CACNA1D: variants seen among roughly 807,000 people sequenced by gnomAD.
The protein encoded by CACNA1D is voltage-dependent L-type calcium channel subunit alpha-1D.
Under a neutral mutation model 257.1 loss-of-function variants are expected in CACNA1D, and 55 were observed. That is an observed-to-expected ratio of 0.21 (90% confidence interval 0.17 to 0.27). The LOEUF (loss-of-function observed/expected upper bound fraction) is 0.27, where lower values mean the gene tolerates loss of function less well. Ranked by LOEUF, CACNA1D falls within the 10% of genes least tolerant of loss-of-function variation. The pLI is 1.00. For synonymous variants in CACNA1D, 980 were observed against 1,014.9 expected (o/e 0.97, Z 0.65); for missense variants, 1,876 against 2,784.0 (o/e 0.67, Z 7.34).
intron 3 of CACNA1D, among the ~76,000 whole-genome samples, chr3:53,543,133 G>GAAAT (rs1232079166): frequency 6.3e-5 from 9 of 142,042 alleles, no homozygotes; most frequent in African/African-American, 1.8e-4. Flanking sequence ...AATAAATAAA[G>GAAAT]AAAGAAATAA....
intron 3 of CACNA1D, among the ~76,000 whole-genome samples, chr3:53,638,922 G>T (rs2093916733): frequency 6.6e-6 from 1 of 152,192 alleles, no homozygotes; most frequent in Non-Finnish European, 1.5e-5. Flanking sequence ...TTGAGCAGCT[G>T]AGGTCATACT....
intron 3 of CACNA1D, among the ~76,000 whole-genome samples, chr3:53,612,061 G>T (rs2093589413): frequency 6.6e-6 from 1 of 152,072 alleles, no homozygotes; most frequent in African/African-American, 2.4e-5. Flanking sequence ...AATTTCATTT[G>T]ATTTAAAAAA....
intron 3 of CACNA1D, among the ~76,000 whole-genome samples, chr3:53,646,819 T>TGCAGGTGCTTGG (rs2094026299): frequency 6.6e-6 from 1 of 152,146 alleles, no homozygotes; most frequent in Admixed American, 6.5e-5. Context: ...CGGGGATAGA[T>TGCAGGTGCTTGG]GGATAGACAG....
chr3:53,749,356 T>TA lies in CACNA1D; in HGVS notation c.3404dup (p.Tyr1135Ter). The change falls in exon 27 of 48, where the codon TAC becomes TAAC. Residue 1135 changes from tyrosine (Y) to a stop codon, truncating the protein, a stop_gained and frameshift_variant. Coordinates refer to ENST00000350061, the MANE Select transcript of CACNA1D (RefSeq NM_001128840.3). LOFTEE classifies it high-confidence loss of function. Reference protein sequence around the residue: ...RVEISIFFIIYIIIVAFFMMN... With the variant: ...RVEISIFFII ...GGAGATCTCCATCTTCTTCATCATCTACATCATCATTGTAGCTTTCTTCAT... is the reference window on the plus strand; with the variant it reads ...GGAGATCTCCATCTTCTTCATCATCTAACATCATCATTGTAGCTTTCTTCAT... 1 of 1,612,212 alleles carries TA rather than the reference T, an allele frequency of 6.2e-7. No homozygotes were observed.
intron 8 of CACNA1D, among the ~76,000 whole-genome samples, chr3:53,699,451 G>A (rs960758713): frequency 2.0e-5 from 3 of 152,204 alleles, no homozygotes; most frequent in African/African-American, 7.2e-5. Flanking sequence ...TGAAACAGCG[G>A]AACAGGTATT....
At chr3:53,621,328 T>C (rs1199483542) in intron 3 of CACNA1D, among the ~76,000 whole-genome samples, 1 of 152,134 alleles carries the variant, frequency 6.6e-6, no homozygotes, top group East Asian at 1.9e-4. Flanking sequence ...GTCCCAGTGC[T>C]AAGCCTGGGC....
At chr3:53,784,487 G>A (rs2095442504) in intron 39 of CACNA1D, among the ~76,000 whole-genome samples, 1 of 152,172 alleles carries the variant, frequency 6.6e-6, no homozygotes, top group Admixed American at 6.5e-5. Context: ...AATTAGCACA[G>A]TGTCTCAATG....
chr3:53,626,205 G>A (rs1415678681), intron 3 of CACNA1D, among the ~76,000 whole-genome samples: 2 of 152,140 alleles, frequency 1.3e-5, no homozygotes, highest in East Asian at 3.8e-4. Flanking sequence ...TTGCCGCCCC[G>A]GGCACATCCC....
intron 30 of CACNA1D, among the ~76,000 whole-genome samples, chr3:53,767,620 A>C (rs1300327767): frequency 6.6e-6 from 1 of 151,384 alleles, no homozygotes; most frequent in Non-Finnish European, 1.5e-5. Context: ...TACGCCCCAG[A>C]TCCATTAAGT....
chr3:53,742,076 T>C (rs1297155663), intron 21 of CACNA1D, among the ~76,000 whole-genome samples: 1 of 152,150 alleles, frequency 6.6e-6, no homozygotes, highest in Non-Finnish European at 1.5e-5. Flanking sequence ...GTCTAATATC[T>C]GAGACGATGG....
chr3:53,570,844 G>A (rs1033424026), intron 3 of CACNA1D, among the ~76,000 whole-genome samples: 2 of 152,198 alleles, frequency 1.3e-5, no homozygotes, highest in African/African-American at 4.8e-5. Context: ...GGCTAAAAAT[G>A]GTCAAGGAAG....
chr3:53,514,928 T>C (rs1308927576), intron 3 of CACNA1D, among the ~76,000 whole-genome samples: 1 of 152,176 alleles, frequency 6.6e-6, no homozygotes, highest in Non-Finnish European at 1.5e-5. Context: ...TTAGTGGTCA[T>C]AGAGGGTTTT....
chr3:53,807,874 A>T (rs1040822910), intron 45 of CACNA1D: 3 of 152,178 alleles, frequency 2.0e-5, no homozygotes, highest in African/African-American at 7.2e-5. Flanking sequence ...CAACAAAAAT[A>T]ATTTGCTTAT....
chr3:53,666,541 T>G lies in CACNA1D; in HGVS notation c.1116+6T>G, dbSNP rs1232039230. 1 of 1,608,116 alleles carries G rather than the reference T, an allele frequency of 6.2e-7. No individual in the cohort carries two copies. Among genetic ancestry groups the G allele is most frequent in the Non-Finnish European group, 8.5e-7 (1 of 1,174,608 alleles). ...GGACAGATGTGCTCTACTGGGTAAG[T>G]ACCCTGGGGAGAGAGTTTATGGAGT... On this transcript the variant is annotated splice_donor_region_variant and intron_variant, in intron 7 of 47. Transcript: ENST00000350061.
chr3:53,549,621 C>T (rs2092487308), intron 3 of CACNA1D, among the ~76,000 whole-genome samples: 2 of 152,296 alleles, frequency 1.3e-5, no homozygotes, highest in Middle Eastern at 6.8e-3. Context: ...CTAGAGAGGA[C>T]TGTGATAAGC....
chr3:53,788,883 G>A (rs1444218892), intron 40 of CACNA1D, among the ~76,000 whole-genome samples: 1 of 152,126 alleles, frequency 6.6e-6, no homozygotes, highest in Non-Finnish European at 1.5e-5. Flanking sequence ...TGGATGCAGG[G>A]TCATTTATAC....
At chr3:53,677,280 G>C (rs532787234) in intron 8 of CACNA1D, among the ~76,000 whole-genome samples, 75 of 152,242 alleles carry the variant, frequency 4.9e-4, no homozygotes, top group African/African-American at 1.7e-3. Context: ...CAACCCCCAG[G>C]AAGGGGGCTG....
intron 8 of CACNA1D, among the ~76,000 whole-genome samples, chr3:53,685,016 G>A (rs777194335): frequency 3.3e-5 from 5 of 152,214 alleles, no homozygotes; most frequent in East Asian, 1.9e-4. Flanking sequence ...TACCAACAAC[G>A]AGATGGTAGA....
intron 3 of CACNA1D, among the ~76,000 whole-genome samples, chr3:53,527,514 A>G (rs938297747): frequency 1.3e-5 from 2 of 152,240 alleles, no homozygotes; most frequent in Non-Finnish European, 2.9e-5. Flanking sequence ...CAACATTTCA[A>G]AGTTATGGTC....
Sources: allele counts gnomAD v4.1 joint callset (sites outside exome capture counted in the v4.1 genomes callset), GRCh38; gene constraint gnomAD v4.1.1; transcripts MANE v1.5; gene names NCBI Gene and HGNC (gene_info 2026-07-23, HGNC 2026-07-21).